Variants in LSAMP observed in about 807,000 individuals in gnomAD.
LSAMP encodes the protein limbic system associated membrane protein.
Under a neutral mutation model 38.6 loss-of-function variants are expected in LSAMP, and 7 were observed. The observed-to-expected ratio is 0.18, with a 90% CI of 0.10 to 0.34. LSAMP has a LOEUF of 0.34. LSAMP is among the 10% of genes least tolerant of loss of function. The pLI, the probability that LSAMP is intolerant of heterozygous loss-of-function variation, is 1.00. For missense variants in LSAMP, 313 were observed against 420.0 expected, an observed-to-expected ratio of 0.75 and a Z score of 2.23; for synonymous variants, 154 against 166.8, an observed-to-expected ratio of 0.92 and a Z score of 0.59.
At chr3:116,278,845 T>C (rs1338583952) in intron 1 of LSAMP, among the ~76,000 whole-genome samples, 1 of 152,228 alleles carries the variant, frequency 6.6e-6, no homozygotes, top group Admixed American at 6.5e-5. Context: ...AAGTGTTTTG[T>C]TGATACTTTT....
chr3:116,251,315 A>G (rs1182094400), intron 1 of LSAMP, among the ~76,000 whole-genome samples: 1 of 152,178 alleles, frequency 6.6e-6, no homozygotes, highest in Non-Finnish European at 1.5e-5. Context: ...TCAGCCACAA[A>G]GTTTGGTGTT....
chr3:115,895,039 GACAA>G (rs930294987), intron 3 of LSAMP, among the ~76,000 whole-genome samples: 7 of 151,956 alleles, frequency 4.6e-5, no homozygotes, highest in Non-Finnish European at 2.9e-5. Context: ...GTTAAAGTCA[GACAA>G]ACAAACAAAA....
At chr3:116,267,839 T>TA (rs2046912575) in intron 1 of LSAMP, among the ~76,000 whole-genome samples, 2 of 152,092 alleles carry the variant, frequency 1.3e-5, no homozygotes, top group South Asian at 4.1e-4. Context: ...TGAGCCAAGC[T>TA]AAAATCCTCC....
chr3:116,149,575 G>A (rs1433256628), intron 1 of LSAMP, among the ~76,000 whole-genome samples: 3 of 151,488 alleles, frequency 2.0e-5, no homozygotes, highest in Non-Finnish European at 4.4e-5. Context: ...GTATTCAGCA[G>A]ATTTCAGATC....
At chr3:116,051,250 C>T (rs556689327) in intron 2 of LSAMP, 9 of 152,304 alleles carry the variant, frequency 5.9e-5, no homozygotes, top group Admixed American at 5.9e-4. Context: ...GCCTCCCGTA[C>T]ATTTGGCATG....
intron 1 of LSAMP, among the ~76,000 whole-genome samples, chr3:116,144,964 C>T (rs1426884343): frequency 2.0e-5 from 3 of 151,946 alleles, no homozygotes; most frequent in African/African-American, 4.8e-5. Context: ...AGATAATCCT[C>T]CACTGTCTTC....
At chr3:116,325,003 AT>A (rs2107734147) in intron 1 of LSAMP, among the ~76,000 whole-genome samples, 2 of 152,098 alleles carry the variant, frequency 1.3e-5, no homozygotes, top group East Asian at 3.9e-4. Context: ...TCAAGATGAT[AT>A]CTTTAAAAAA....
intron 6 of LSAMP, among the ~76,000 whole-genome samples, chr3:115,817,446 A>G (rs898678648): frequency 2.7e-5 from 4 of 150,526 alleles, no homozygotes; most frequent in African/African-American, 9.9e-5. Context: ...TGGATATTCA[A>G]TAAATATTTG....
intron 1 of LSAMP, among the ~76,000 whole-genome samples, chr3:116,287,850 G>A (rs991489246): frequency 6.6e-6 from 1 of 151,890 alleles, no homozygotes; most frequent in Non-Finnish European, 1.5e-5. Context: ...CCCTCAACAA[G>A]AAGTGTTAAT....
intron 1 of LSAMP, among the ~76,000 whole-genome samples, chr3:116,157,149 A>G (rs1709770875): frequency 6.6e-6 from 1 of 152,076 alleles, no homozygotes; most frequent in Non-Finnish European, 1.5e-5. Context: ...TCTAACGACT[A>G]GGCAAGTTGT....
chr3:115,942,648 T>A (rs902433083), intron 3 of LSAMP, among the ~76,000 whole-genome samples: 1 of 152,180 alleles, frequency 6.6e-6, no homozygotes, highest in Non-Finnish European at 1.5e-5. Context: ...GTACTAGATA[T>A]CTCTGATGTG....
At chr3:116,273,220 C>CA (rs1203688670) in intron 1 of LSAMP, among the ~76,000 whole-genome samples, 1 of 152,030 alleles carries the variant, frequency 6.6e-6, no homozygotes, top group East Asian at 1.9e-4. Context: ...CCTTGACTGA[C>CA]ACAGCACTGG....
At chr3:115,975,553 C>T (rs139808027) in intron 3 of LSAMP, among the ~76,000 whole-genome samples, 11 of 152,146 alleles carry the variant, frequency 7.2e-5, no homozygotes, top group East Asian at 3.9e-4. Context: ...TTCAAGAAAG[C>T]GAGAGGGGAG....
chr3:116,142,009 CA>C (rs1460172913), intron 1 of LSAMP, among the ~76,000 whole-genome samples: 2 of 152,008 alleles, frequency 1.3e-5, no homozygotes, highest in East Asian at 3.9e-4. Context: ...TGCACTATAA[CA>C]TCCAAACTAC....
intron 3 of LSAMP, among the ~76,000 whole-genome samples, chr3:115,866,944 AGAATGG>A (rs1935878281): frequency 1.3e-5 from 2 of 152,076 alleles, no homozygotes; most frequent in Admixed American, 1.3e-4. Context: ...GCAGGCAAGC[AGAATGG>A]GTACTTGTGG....
intron 3 of LSAMP, among the ~76,000 whole-genome samples, chr3:115,941,853 A>G (rs940245517): frequency 5.3e-5 from 8 of 152,144 alleles, no homozygotes; most frequent in Admixed American, 4.6e-4. Flanking sequence ...TGAGACAAAC[A>G]AGTTCTGGGG....
intron 1 of LSAMP, among the ~76,000 whole-genome samples, chr3:116,160,568 G>A (rs954520343): frequency 6.6e-6 from 1 of 152,096 alleles, no homozygotes. Context: ...TGGATACTAT[G>A]CTTATTACCT....
chr3:116,078,528 G>A (rs1470053036), intron 2 of LSAMP, among the ~76,000 whole-genome samples: 6 of 151,982 alleles, frequency 3.9e-5, no homozygotes, highest in South Asian at 4.1e-4. Context: ...GGGTTTCACC[G>A]TGTTAGCCAG....
At chr3:115,845,663 A>T (rs927448108) in intron 4 of LSAMP, among the ~76,000 whole-genome samples, 1 of 152,152 alleles carries the variant, frequency 6.6e-6, no homozygotes, top group African/African-American at 2.4e-5. Context: ...GTTGCCATGC[A>T]TGACTGGGGA....
Sources: allele counts gnomAD v4.1 joint callset (sites outside exome capture counted in the v4.1 genomes callset), GRCh38; gene constraint gnomAD v4.1.1; transcripts MANE v1.5; gene names NCBI Gene and HGNC (gene_info 2026-07-23, HGNC 2026-07-21).